Variants in AK9 observed in about 807,000 individuals in gnomAD.
The protein encoded by AK9 is adenylate kinase 9.
AK9 carries 191 observed loss-of-function variants against 239.6 expected under a neutral mutation model. That is an observed-to-expected ratio of 0.80 (90% CI 0.71 to 0.90). The LOEUF is 0.90. AK9 is among the 40% of genes least tolerant of loss of function. The pLI is 0.00. For synonymous variants in AK9, 689 were observed against 721.0 expected (o/e 0.96, Z 0.71); for missense variants, 1,995 against 2,214.7 (o/e 0.90, Z 1.99).
chr6:109,493,632 A>G, intron 40 of AK9, 61 bp from the exon 41 acceptor site: 1 of 1,420,998 alleles, frequency 7.0e-7, no homozygotes, highest in Non-Finnish European at 9.8e-7. Flanking sequence ...ATTAAATGAA[A>G]GAGACCTGGA....
At chr6:109,558,607 T>C (rs1785308932) in intron 24 of AK9, among the ~76,000 whole-genome samples, 2 of 152,232 alleles carry the variant, frequency 1.3e-5, no homozygotes, top group South Asian at 2.1e-4. Context: ...CCAATGACAC[T>C]ATTTTGATAG....
intron 17 of AK9, among the ~76,000 whole-genome samples, chr6:109,592,613 A>AT (rs1273165624): frequency 2.0e-5 from 3 of 151,718 alleles, no homozygotes; most frequent in Middle Eastern, 3.4e-3. Context: ...CGCCCGGCTA[A>AT]TTTTTTGTAT....
intron 12 of AK9, among the ~76,000 whole-genome samples, chr6:109,627,029 T>G (rs879804091): frequency 2.6e-5 from 4 of 151,966 alleles, no homozygotes; most frequent in Non-Finnish European, 5.9e-5. Context: ...ACTTTTTGAC[T>G]CTTTTATAAC....
intron 18 of AK9, 72 bp downstream of exon 18, chr6:109,585,844 C>A: frequency 1.5e-6 from 2 of 1,369,978 alleles, no homozygotes. Context: ...GAGAGTTGTC[C>A]GTTCTATATT....
intron 1 of AK9, among the ~76,000 whole-genome samples, chr6:109,683,118 C>T (rs1366153868): frequency 1.3e-5 from 2 of 152,078 alleles, no homozygotes; most frequent in African/African-American, 4.8e-5. Context: ...AAATGTAATC[C>T]ATCACATAAA....
At chr6:109,539,455 A>G (rs879593740) in intron 27 of AK9, among the ~76,000 whole-genome samples, 1 of 152,212 alleles carries the variant, frequency 6.6e-6, no homozygotes. Flanking sequence ...CAGCTTCATC[A>G]GGTCCTTTAA....
chr6:109,677,772 G>A (rs1771979005), intron 1 of AK9, among the ~76,000 whole-genome samples: 1 of 152,052 alleles, frequency 6.6e-6, no homozygotes, highest in Non-Finnish European at 1.5e-5. Flanking sequence ...TATCTGAAGA[G>A]ACATTTCATC....
chr6:109,560,708 G>T (rs1043094303), intron 24 of AK9, among the ~76,000 whole-genome samples: 1 of 152,126 alleles, frequency 6.6e-6, no homozygotes, highest in African/African-American at 2.4e-5. Flanking sequence ...AATGAGTGAT[G>T]TTAGACTGCA....
intron 6 of AK9, among the ~76,000 whole-genome samples, chr6:109,661,565 GT>G (rs1297560796): frequency 9.9e-5 from 15 of 152,258 alleles, no homozygotes; most frequent in Non-Finnish European, 2.9e-5. Context: ...AGATATCTCT[GT>G]TATGTCCACA....
chr6:109,684,936 A>G (rs1158863462), intron 1 of AK9, among the ~76,000 whole-genome samples: 2 of 148,622 alleles, frequency 1.3e-5, no homozygotes, highest in African/African-American at 2.5e-5. Flanking sequence ...ATGAACAGAC[A>G]CTTCTCAAAA....
At chr6:109,575,430 G>A (rs2128199712) in intron 20 of AK9, among the ~76,000 whole-genome samples, 1 of 152,228 alleles carries the variant, frequency 6.6e-6, no homozygotes, top group South Asian at 2.1e-4. Flanking sequence ...CTGATAATTA[G>A]TGATGTTGAG....
At chr6:109,511,213 T>A (rs545516936) in intron 32 of AK9, among the ~76,000 whole-genome samples, 1 of 152,330 alleles carries the variant, frequency 6.6e-6, no homozygotes, top group South Asian at 2.1e-4. Flanking sequence ...TATTCCTGTT[T>A]CACTGAATTG....
chr6:109,500,079 T>C (rs1017792419), intron 35 of AK9, among the ~76,000 whole-genome samples: 2 of 133,452 alleles, frequency 1.5e-5, no homozygotes, highest in African/African-American at 5.6e-5. Context: ...ACACAATTTA[T>C]ACCTGTGTAT....
intron 25 of AK9, among the ~76,000 whole-genome samples, chr6:109,549,060 A>G (rs1783976110): frequency 6.6e-6 from 1 of 152,214 alleles, no homozygotes; most frequent in South Asian, 2.1e-4. Context: ...AAAGTCAGCC[A>G]AAGCTGTAAC....
At chr6:109,521,292 G>T (rs995430500) in intron 29 of AK9, among the ~76,000 whole-genome samples, 1 of 152,052 alleles carries the variant, frequency 6.6e-6, no homozygotes, top group Non-Finnish European at 1.5e-5. Flanking sequence ...TGCCAGTGAT[G>T]ATGAGGAATT....
In AK9 at chr6:109,573,607, GA is replaced by G; in HGVS notation, c.2192-14del. On this transcript the variant is annotated splice_polypyrimidine_tract_variant and intron_variant, in intron 20 of 40. Coordinates refer to ENST00000424296, the MANE Select transcript of AK9 (RefSeq NM_001145128.3). ...GTCTCTTCAGCTTCTAAAAAAATTT[GA>G]AGAAATAAATTATCATTTGGTTGAA... The G allele has an allele frequency of 6.5e-7, 1 of 1,532,620 alleles. No individual in the cohort carries two copies. The highest frequency in any genetic ancestry group is 8.8e-7 in the Non-Finnish European group (1 of 1,139,242). 94.9% of individuals were successfully genotyped at this position (1,532,620 alleles called of 1,614,324 possible).
chr6:109,527,440 T>C (rs1780664473), intron 29 of AK9, among the ~76,000 whole-genome samples: 1 of 152,174 alleles, frequency 6.6e-6, no homozygotes, highest in Admixed American at 6.5e-5. Context: ...CCTGGATCTG[T>C]TCATGGAAGT....
chr6:109,562,945 C>T (rs1033459551), intron 24 of AK9, among the ~76,000 whole-genome samples: 3 of 152,030 alleles, frequency 2.0e-5, no homozygotes, highest in Non-Finnish European at 2.9e-5. Context: ...GGACAAAACC[C>T]GCATCCTTTA....
intron 8 of AK9, among the ~76,000 whole-genome samples, chr6:109,656,541 C>G (rs916081475): frequency 7.9e-5 from 12 of 152,128 alleles, no homozygotes; most frequent in African/African-American, 2.9e-4. Context: ...TCATTTGTCA[C>G]TTTGCAGTAA....
Sources: gnomAD v4.1 joint callset for allele counts (sites outside exome capture counted in the v4.1 genomes callset) on GRCh38, gnomAD v4.1.1 for gene constraint, MANE v1.5 for transcripts, NCBI Gene and HGNC (gene_info 2026-07-23, HGNC 2026-07-21) for gene names.